The following HPSE2 variants were observed in gnomAD, a reference collection of about 807,000 sequenced individuals.
The protein encoded by HPSE2 is heparanase 2 (inactive), also known as inactive heparanase-2.
In HPSE2, 38 loss-of-function variants were observed where a neutral mutation model predicts 60.5. That is an observed-to-expected ratio of 0.63 (90% CI 0.48 to 0.82). The LOEUF (loss-of-function observed/expected upper bound fraction) is 0.82, where lower values mean the gene tolerates loss of function less well. Among genes scored for constraint, HPSE2 ranks in the 40% least tolerant of loss-of-function variants. The pLI is 0.00. For synonymous variants in HPSE2, 295 were observed against 293.2 expected, an observed-to-expected ratio of 1.01 and a Z score of -0.06; for missense variants, 713 against 740.4, an observed-to-expected ratio of 0.96 and a Z score of 0.43.
chr10:98,984,712 C>T (rs111421195), intron 3 of HPSE2, among the ~76,000 whole-genome samples: 1 of 152,086 alleles, frequency 6.6e-6, no homozygotes, highest in African/African-American at 2.4e-5. Context: ...GGAGGAAGTT[C>T]GAACCCATGG....
intron 5 of HPSE2, among the ~76,000 whole-genome samples, chr10:98,710,930 T>A (rs951222188): frequency 2.6e-5 from 4 of 152,072 alleles, no homozygotes; most frequent in African/African-American, 9.7e-5. Flanking sequence ...GCACCCAAGA[T>A]GAAGCCTATT....
chr10:98,987,609 C>T (rs1482123378), intron 3 of HPSE2, among the ~76,000 whole-genome samples: 1 of 152,154 alleles, frequency 6.6e-6, no homozygotes, highest in Admixed American at 6.5e-5. Context: ...TCTCTCACCA[C>T]TCCTATTCAA....
chr10:98,976,671 T>C (rs2135284658), intron 3 of HPSE2, among the ~76,000 whole-genome samples: 1 of 151,588 alleles, frequency 6.6e-6, no homozygotes, highest in African/African-American at 2.4e-5. Flanking sequence ...TCCTCACACC[T>C]GAAGTAAGGA....
chr10:99,080,599 A>G (rs1843101521), intron 3 of HPSE2, among the ~76,000 whole-genome samples: 1 of 152,236 alleles, frequency 6.6e-6, no homozygotes. Context: ...CCAAGTCTAC[A>G]TGTTTCTGAT....
At chr10:98,613,295 A>G (rs1439086360) in intron 9 of HPSE2, among the ~76,000 whole-genome samples, 3 of 152,228 alleles carry the variant, frequency 2.0e-5, no homozygotes, top group Admixed American at 6.5e-5. Context: ...CAAAAACAAA[A>G]CAAAACAATC....
intron 9 of HPSE2, among the ~76,000 whole-genome samples, chr10:98,606,757 A>T (rs1032649019): frequency 2.0e-5 from 3 of 152,234 alleles, no homozygotes; most frequent in Non-Finnish European, 4.4e-5. Context: ...ATTAAAAAGC[A>T]GAATTTATTT....
chr10:98,725,805 C>G (rs1157171252), intron 4 of HPSE2, among the ~76,000 whole-genome samples: 1 of 152,002 alleles, frequency 6.6e-6, no homozygotes, highest in Non-Finnish European at 1.5e-5. Context: ...AAAAAACAAC[C>G]CCATCAAAAA....
chr10:98,690,411 G>C (rs141910706), intron 6 of HPSE2, among the ~76,000 whole-genome samples: 53,466 of 151,674 alleles, frequency 0.35, 9,611 homozygotes, highest in Admixed American at 0.41. Flanking sequence ...CGTGGTGGTG[G>C]GTACCTGTAG....
At chr10:99,148,704 C>T (rs1379963412) in intron 2 of HPSE2, among the ~76,000 whole-genome samples, 1 of 152,064 alleles carries the variant, frequency 6.6e-6, no homozygotes, top group Non-Finnish European at 1.5e-5. Flanking sequence ...GCAGAAGAAT[C>T]ACTTGAAATT....
chr10:99,094,414 T>C (rs1466230979), intron 3 of HPSE2, among the ~76,000 whole-genome samples: 1 of 149,838 alleles, frequency 6.7e-6, no homozygotes, highest in Non-Finnish European at 1.5e-5. Flanking sequence ...TACATTTCTA[T>C]ATCCAATTCA....
At chr10:99,123,556 C>T (rs139061309) in intron 3 of HPSE2, among the ~76,000 whole-genome samples, 27 of 152,304 alleles carry the variant, frequency 1.8e-4, no homozygotes, top group African/African-American at 3.6e-4. Flanking sequence ...CAAGTGGGGG[C>T]GTGTTTCAGC....
At chr10:99,134,840 T>G in intron 3 of HPSE2, among the ~76,000 whole-genome samples, 1 of 152,146 alleles carries the variant, frequency 6.6e-6, no homozygotes, top group East Asian at 1.9e-4. Context: ...GCTAGCATCA[T>G]GACAGGATCA....
At chr10:98,607,602 T>A (rs934072021) in intron 9 of HPSE2, among the ~76,000 whole-genome samples, 1 of 152,234 alleles carries the variant, frequency 6.6e-6, no homozygotes, top group Non-Finnish European at 1.5e-5. Context: ...TTTTAGTTTG[T>A]CTTTAACCTT....
At chr10:99,057,275 G>C (rs1406111950) in intron 3 of HPSE2, among the ~76,000 whole-genome samples, 1 of 152,040 alleles carries the variant, frequency 6.6e-6, no homozygotes, top group Non-Finnish European at 1.5e-5. Context: ...TTTGTATCTA[G>C]ATTTCAGTAA....
intron 9 of HPSE2, among the ~76,000 whole-genome samples, chr10:98,538,171 T>C (rs1943347839): frequency 1.3e-5 from 2 of 152,204 alleles, no homozygotes. Context: ...TACCGGTCTC[T>C]GCGTCTTGAT....
intron 6 of HPSE2, among the ~76,000 whole-genome samples, chr10:98,690,740 G>C (rs1162535686): frequency 1.3e-5 from 2 of 151,422 alleles, no homozygotes; most frequent in Admixed American, 1.3e-4. Context: ...TATGATACAA[G>C]CTACTCCACT....
chr10:98,529,589 A>G (rs1481135850), intron 9 of HPSE2, among the ~76,000 whole-genome samples: 1 of 152,122 alleles, frequency 6.6e-6, no homozygotes, highest in Non-Finnish European at 1.5e-5. Context: ...TTTCTTTATC[A>G]AGCTTGCCTT....
intron 3 of HPSE2, among the ~76,000 whole-genome samples, chr10:98,832,955 G>C (rs1244400418): frequency 6.6e-6 from 1 of 152,132 alleles, no homozygotes; most frequent in Non-Finnish European, 1.5e-5. Context: ...GTTTTATATG[G>C]CTAAGCGAGC....
intron 3 of HPSE2, among the ~76,000 whole-genome samples, chr10:99,140,230 A>G (rs1170092640): frequency 6.6e-6 from 1 of 152,184 alleles, no homozygotes; most frequent in Non-Finnish European, 1.5e-5. Context: ...TTGCCACAGT[A>G]ACACTATAAA....
Sources: gnomAD v4.1 joint callset for allele counts (sites outside exome capture counted in the v4.1 genomes callset) on GRCh38, gnomAD v4.1.1 for gene constraint, MANE v1.5 for transcripts, NCBI Gene and HGNC (gene_info 2026-07-23, HGNC 2026-07-21) for gene names.